Variants in STIP1 observed in about 807,000 individuals in gnomAD.
STIP1 encodes stress-induced-phosphoprotein 1.
In STIP1, 16 loss-of-function variants were observed where a neutral mutation model predicts 77.4. The ratio of observed to expected loss-of-function variants is 0.21; its 90% CI spans 0.14 to 0.31. The LOEUF (loss-of-function observed/expected upper bound fraction) is 0.31, where lower values mean the gene tolerates loss of function less well. Ranked by LOEUF, STIP1 falls within the 10% of genes least tolerant of loss-of-function variation. The pLI is 1.00. For synonymous variants in STIP1, 258 were observed against 246.6 expected (o/e 1.05, Z -0.44); for missense variants, 524 against 684.8 (o/e 0.77, Z 2.62).
chr11:64,203,981 T>A, intron 13 of STIP1, 73 bp from the exon 14 acceptor site: 3 of 1,551,326 alleles, frequency 1.9e-6, no homozygotes, highest in Non-Finnish European at 1.8e-6. Flanking sequence ...GGGGGTTGAA[T>A]TGGGGCTTGC....
At chr11:64,195,295 G>T (rs1040644561) in intron 4 of STIP1, among the ~76,000 whole-genome samples, 1 of 151,972 alleles carries the variant, frequency 6.6e-6, no homozygotes, top group Admixed American at 6.6e-5. Context: ...TGTATGTTTA[G>T]TAGTAGCGGT....
At chr11:64,193,505 TG>T in intron 2 of STIP1, 2 of 555,746 alleles carry the variant, frequency 3.6e-6, no homozygotes. Context: ...AGGCCAGGGC[TG>T]GGCGCGGTGA....
intron 5 of STIP1, among the ~76,000 whole-genome samples, chr11:64,196,323 G>A (rs1946149561): frequency 6.7e-6 from 1 of 149,494 alleles, no homozygotes; most frequent in Non-Finnish European, 1.5e-5. Flanking sequence ...TTGAACTCGG[G>A]AGGCAGAGGT....
chr11:64,191,042 A>G (rs751063163), intron 1 of STIP1, among the ~76,000 whole-genome samples: 2 of 151,036 alleles, frequency 1.3e-5, no homozygotes, highest in Non-Finnish European at 3.0e-5. Context: ...ACAAAATTAG[A>G]CGGATGTGGT....
chr11:64,186,044 G>C (rs527803668), upstream of STIP1: 1 of 1,546,260 alleles, frequency 6.5e-7, no homozygotes, highest in African/African-American at 1.4e-5. Flanking sequence ...ACTCCCCGCT[G>C]TCCAATGAGA....
In STIP1 at chr11:64,204,299, C is replaced by T. The variant is rs1231798725; in HGVS notation, c.*173C>T. 57 of 650,172 alleles carry T rather than the reference C, an allele frequency of 8.8e-5. No individual in the cohort carries two copies. The highest frequency in any genetic ancestry group is 7.7e-6 in the Non-Finnish European group (3 of 387,812). The allele number at this position is 650,172 out of a possible 1,614,324, so 40.3% of individuals were successfully genotyped here. On this transcript the variant is annotated 3_prime_UTR_variant, in exon 14 of 14. Coordinates refer to ENST00000305218, the MANE Select transcript of STIP1 (RefSeq NM_006819.3). ...CGTACCTGCGCTGTTTGTGCCGCCG[C>T]TGCCTCTGGGCCCTCCCAGCACACG... is the stretch of plus-strand genomic sequence containing the variant.
In STIP1 at chr11:64,203,211, C is replaced by G; in HGVS notation, c.1369C>G (p.Leu457Val). Residue 457 changes from leucine (L) to valine (V), a missense_variant, in exon 12 of 14, where the codon CTG (leucine) becomes GTG (valine). Transcript: ENST00000305218. Reference protein sequence around the residue: ...AMDVYQKALDLDSSCKEAADG... With the variant: ...AMDVYQKALDVDSSCKEAADG... ...GGATGTGTACCAGAAGGCGCTAGAC[C>G]TGGACTCCAGCTGTAAGGTGGGGCT... 6.2e-7 allele frequency: 1 copy of G among 1,614,050 alleles called. No homozygotes were observed.
intron 10 of STIP1, among the ~76,000 whole-genome samples, chr11:64,200,781 TG>T (rs1946211158): frequency 6.6e-6 from 1 of 152,138 alleles, no homozygotes; most frequent in Admixed American, 6.6e-5. Context: ...GTGGAATTGC[TG>T]GGTCATGTGG....
At chr11:64,189,418 G>A (rs900330744) in intron 1 of STIP1, among the ~76,000 whole-genome samples, 3 of 151,712 alleles carry the variant, frequency 2.0e-5, no homozygotes, top group African/African-American at 7.3e-5. Context: ...TCCCAGCTAC[G>A]TGGGAGGCTG....
chr11:64,200,180 C>T lies in STIP1; in HGVS notation c.1132C>T (p.Gln378Ter). ...TTTTTCTTCCCCAGGGGACTATCCC[C>T]AGGCCATGAAGCATTATACAGAAGC... is the stretch of plus-strand genomic sequence containing the variant. ...NECFQKGDYP[Q>*]AMKHYTEAIK... The change falls in exon 10 of 14, where the codon CAG (glutamine) becomes TAG (stop). Residue 378 changes from glutamine (Q) to a stop codon, truncating the protein, a stop_gained. Coordinates refer to ENST00000305218, the MANE Select transcript of STIP1 (RefSeq NM_006819.3). LOFTEE classifies it high-confidence loss of function. 6.2e-7 allele frequency: 1 copy of T among 1,613,044 alleles called. No individual in the cohort carries two copies. Among genetic ancestry groups the T allele is most frequent in the Non-Finnish European group, 8.5e-7 (1 of 1,179,568 alleles).
chr11:64,197,641 C>G (rs1489977334), intron 7 of STIP1, 46 bp downstream of exon 7: 1 of 1,605,154 alleles, frequency 6.2e-7, no homozygotes, highest in South Asian at 1.1e-5. Flanking sequence ...GGAGGGTTTG[C>G]TGTCCAAGAC....
intron 1 of STIP1, among the ~76,000 whole-genome samples, chr11:64,192,008 C>CA (rs1247508033): frequency 6.6e-6 from 1 of 152,042 alleles, no homozygotes; most frequent in African/African-American, 2.4e-5. Context: ...AGAGCTGCCT[C>CA]ACTTTTTAAA....
Position 64,196,600 on chromosome 11 carries a change from G to A in STIP1, c.673-671G>A, listed in dbSNP as rs139623558. 2.1e-3 allele frequency among the ~76,000 whole-genome samples: 316 copies of A among 152,170 alleles called. 5 individuals carry two copies. In the Middle Eastern group the frequency reaches 0.037, roughly 18 times the overall value. On this transcript the variant is annotated intron_variant, in intron 5 of 13. Coordinates refer to ENST00000305218, the MANE Select transcript of STIP1 (RefSeq NM_006819.3). ...AGAATGTTGTCCACATCAATCCCTA[G>A]GCCTTTGCTTCCTGGCTGGACATGG...
rs532815204 is a variant in STIP1 at position 64,186,215 on chromosome 11, C to T, written c.-47C>T. 9.0e-6 allele frequency: 14 copies of T among 1,550,182 alleles called. No homozygotes were observed. In the African/African-American group the frequency reaches 9.6e-5, roughly 11 times the overall value. On this transcript the variant is annotated 5_prime_UTR_variant, in exon 1 of 14. Coordinates refer to ENST00000305218, the MANE Select transcript of STIP1 (RefSeq NM_006819.3). ...AAGGCGGCGCGTGCGGTTGGGAACG[C>T]GGAGCGGACGGATTCGATTCAACGG... is the stretch of plus-strand genomic sequence containing the variant.
intron 1 of STIP1, among the ~76,000 whole-genome samples, chr11:64,189,319 C>T (rs1466287025): frequency 1.3e-5 from 2 of 152,108 alleles, no homozygotes; most frequent in African/African-American, 2.4e-5. Context: ...CGAGATTGCG[C>T]CACTGCACTC....
At chr11:64,190,892 T>G (rs1289477727) in intron 1 of STIP1, among the ~76,000 whole-genome samples, 11 of 152,182 alleles carry the variant, frequency 7.2e-5, no homozygotes, top group Non-Finnish European at 1.5e-5. Flanking sequence ...CCCAGCTACT[T>G]AAAAGGCTGA....
intron 5 of STIP1, 187 bp from the exon 6 acceptor site, chr11:64,197,081 AGAT>A: frequency 1.4e-6 from 1 of 706,498 alleles, no homozygotes; most frequent in Non-Finnish European, 2.3e-6. Context: ...GAGCAAGCAA[AGAT>A]GAAGTTAGTT....
rs1427515921 is a variant in STIP1 at position 64,194,567 on chromosome 11, T to C, written c.450T>C (p.Pro150=). The C allele has an allele frequency of 1.2e-6, 2 of 1,614,204 alleles. No homozygotes were observed. The highest frequency in any genetic ancestry group is 2.2e-5 in the East Asian group (1 of 44,892). The change falls in exon 4 of 14, where the codon CCT becomes CCC. Residue 150 remains proline, a synonymous_variant. Coordinates refer to ENST00000305218, the MANE Select transcript of STIP1 (RefSeq NM_006819.3). Reference sequence around the variant, plus strand: ...GGACAAGGACACTACTCAGTGATCCTACCTACCGGGAGCTGATAGAGCAGC... The same window carrying C: ...GGACAAGGACACTACTCAGTGATCCCACCTACCGGGAGCTGATAGAGCAGC... ...DPRTRTLLSD[P]TYRELIEQLR...
intron 5 of STIP1, 167 bp downstream of exon 5, chr11:64,195,980 G>T: frequency 1.1e-6 from 1 of 882,842 alleles, no homozygotes; most frequent in East Asian, 2.6e-5. Context: ...GGCCTCAAGC[G>T]ATGCTCCTGC....
Sources: allele counts gnomAD v4.1 joint callset (sites outside exome capture counted in the v4.1 genomes callset), GRCh38; gene constraint gnomAD v4.1.1; transcripts MANE v1.5; gene names NCBI Gene and HGNC (gene_info 2026-07-23, HGNC 2026-07-21).